RANBP17: variants seen among roughly 807,000 people sequenced by gnomAD.
RANBP17 encodes RAN binding protein 17.
In RANBP17, 158 loss-of-function variants were observed where a neutral mutation model predicts 141.2. That is an observed-to-expected ratio of 1.12 (90% CI 0.98 to 1.28). The LOEUF is 1.28. Ranked by LOEUF, RANBP17 falls within the 50% of genes most tolerant of loss-of-function variation. RANBP17 has a pLI of 0.00. For missense variants in RANBP17, 1,438 were observed against 1,290.7 expected (o/e 1.11, Z -1.75); for synonymous variants, 430 against 450.0 (o/e 0.96, Z 0.56).
At chr5:170,874,962 G>T (rs757201752) in intron 1 of RANBP17, among the ~76,000 whole-genome samples, 2 of 152,126 alleles carry the variant, frequency 1.3e-5, no homozygotes, top group Non-Finnish European at 2.9e-5. Flanking sequence ...GCAGTGGCTG[G>T]TACCAGTTTT....
chr5:171,123,590 A>G (rs1273167819), intron 14 of RANBP17, among the ~76,000 whole-genome samples: 1 of 152,230 alleles, frequency 6.6e-6, no homozygotes, highest in African/African-American at 2.4e-5. Context: ...GCCTGTCAGT[A>G]CCTGCCCACC....
At position 171,158,946 on chromosome 5, in the gene RANBP17, A is replaced by C. The variant is rs151329098; in HGVS notation, c.1711-11184A>C. ...ATCCTGTATTTTCAGGTAATGTAGAATGAGAAATATCTAGGAAATATCACT... is the reference window on the plus strand; with the variant it reads ...ATCCTGTATTTTCAGGTAATGTAGACTGAGAAATATCTAGGAAATATCACT... On this transcript the variant is annotated intron_variant, in intron 14 of 27. Coordinates refer to ENST00000523189, the MANE Select transcript of RANBP17 (RefSeq NM_022897.5). Among the ~76,000 whole-genome samples, 1,402 of 152,306 alleles carry C rather than the reference A, an allele frequency of 9.2e-3. 22 individuals carry two copies. Among genetic ancestry groups the C allele is most frequent in the South Asian group, 0.025 (121 of 4,826 alleles).
intron 14 of RANBP17, among the ~76,000 whole-genome samples, chr5:171,142,138 C>T (rs1307620682): frequency 2.6e-5 from 4 of 152,108 alleles, no homozygotes; most frequent in Non-Finnish European, 5.9e-5. Context: ...CTGTTACGGG[C>T]ATGAGTTTAC....
intron 14 of RANBP17, among the ~76,000 whole-genome samples, chr5:171,065,862 T>C (rs1399955850): frequency 1.3e-5 from 2 of 151,872 alleles, no homozygotes; most frequent in Non-Finnish European, 2.9e-5. Flanking sequence ...TTCTTGTGTT[T>C]ATTTTTATTA....
At chr5:170,946,735 AG>A (rs1774795924) in intron 12 of RANBP17, among the ~76,000 whole-genome samples, 1 of 152,170 alleles carries the variant, frequency 6.6e-6, no homozygotes. Flanking sequence ...GCTGGAACAA[AG>A]CTTATCTAAC....
chr5:171,247,406 C>A (rs565396870), intron 24 of RANBP17, among the ~76,000 whole-genome samples: 1 of 152,230 alleles, frequency 6.6e-6, no homozygotes, highest in South Asian at 2.1e-4. Context: ...TTTTTCCTTT[C>A]CCAACAATGA....
intron 12 of RANBP17, among the ~76,000 whole-genome samples, chr5:170,937,117 C>G (rs1484533738): frequency 6.6e-6 from 1 of 152,156 alleles, no homozygotes; most frequent in Admixed American, 6.5e-5. Context: ...ATGTTTAGTT[C>G]ATTTGCTAGG....
intron 20 of RANBP17, chr5:171,205,914 A>G (rs1762552520): frequency 4.6e-6 from 2 of 433,132 alleles, no homozygotes; most frequent in Non-Finnish European, 8.7e-6. Context: ...ATCTTTAGGG[A>G]TCAATGAATC....
At chr5:171,171,386 T>TA (rs1036619603) in intron 16 of RANBP17, 100 bp downstream of exon 16, 4 of 615,854 alleles carry the variant, frequency 6.5e-6, no homozygotes, top group African/African-American at 1.9e-5. Flanking sequence ...TGCAATTTTT[T>TA]AAAAAAATAA....
intron 14 of RANBP17, among the ~76,000 whole-genome samples, chr5:171,134,391 GA>G: frequency 6.6e-6 from 1 of 152,292 alleles, no homozygotes. Context: ...TGGCTAGATT[GA>G]AGAAATTTTT....
chr5:171,122,947 G>A (rs773538360), intron 14 of RANBP17, among the ~76,000 whole-genome samples: 2 of 152,174 alleles, frequency 1.3e-5, no homozygotes, highest in Admixed American at 6.5e-5. Flanking sequence ...ACTGGACCCA[G>A]TGGTGCAGCC....
intron 20 of RANBP17, among the ~76,000 whole-genome samples, chr5:171,213,136 C>A (rs747432386): frequency 2.2e-4 from 33 of 152,026 alleles, no homozygotes; most frequent in Non-Finnish European, 4.0e-4. Context: ...AATTTTGAAA[C>A]TGAGAGATAT....
At position 171,042,020 on chromosome 5, in the gene RANBP17, T is replaced by C. The variant is rs567657692; in HGVS notation, c.1710+73643T>C. Among the ~76,000 whole-genome samples, 3 of 152,270 alleles carry C rather than the reference T, an allele frequency of 2.0e-5. No homozygotes were observed. In the South Asian group the frequency reaches 6.2e-4, roughly 32 times the overall value. On this transcript the variant is annotated intron_variant, in intron 14 of 27. Coordinates refer to ENST00000523189, the MANE Select transcript of RANBP17 (RefSeq NM_022897.5). ...TTAGTCTTCTGTACCTGTGTTAGTT[T>C]GCTGAGGATAATGGCTTCCAGCTCT... is the stretch of plus-strand genomic sequence containing the variant.
chr5:170,932,752 A>T (rs1287341004), intron 12 of RANBP17, among the ~76,000 whole-genome samples: 1 of 152,152 alleles, frequency 6.6e-6, no homozygotes, highest in Non-Finnish European at 1.5e-5. Flanking sequence ...CATCCCAGGG[A>T]TGAAGCCAAC....
chr5:170,866,476 C>T (rs552114026), intron 1 of RANBP17, among the ~76,000 whole-genome samples: 1 of 151,902 alleles, frequency 6.6e-6, no homozygotes, highest in Non-Finnish European at 1.5e-5. Flanking sequence ...GAAATCGAGA[C>T]CATCCTGGCT....
chr5:171,217,637 G>C (rs891092419), intron 21 of RANBP17, among the ~76,000 whole-genome samples: 2 of 152,162 alleles, frequency 1.3e-5, no homozygotes, highest in African/African-American at 4.8e-5. Flanking sequence ...TCTTGGGAAG[G>C]TGTATGTATC....
intron 14 of RANBP17, among the ~76,000 whole-genome samples, chr5:171,137,571 G>GGTGTGTGTGTGTGTGTGTGT (rs757634108): frequency 7.9e-5 from 5 of 63,040 alleles, no homozygotes; most frequent in African/African-American, 2.0e-4. Context: ...GTTGACTTGA[G>GGTGTGTGTGTGTGTGTGTGT]ATGTGTGTGT....
chr5:171,251,786 A>C, intron 24 of RANBP17: 3 of 1,093,596 alleles, frequency 2.7e-6, no homozygotes, highest in Admixed American at 1.7e-5. Flanking sequence ...CGCCTCTGTG[A>C]TTGGGTGGAA....
At chr5:170,982,985 A>G in intron 14 of RANBP17, 1 of 380,096 alleles carries the variant, frequency 2.6e-6, no homozygotes, top group Non-Finnish European at 5.0e-6. Context: ...ATATCCAGTA[A>G]AACTTAAGTA....
Sources: gnomAD v4.1 joint callset for allele counts (sites outside exome capture counted in the v4.1 genomes callset) on GRCh38, gnomAD v4.1.1 for gene constraint, MANE v1.5 for transcripts, NCBI Gene and HGNC (gene_info 2026-07-23, HGNC 2026-07-21) for gene names.